Variants in SORCS3 observed in about 807,000 individuals in gnomAD.
SORCS3 encodes the protein sortilin related VPS10 domain containing receptor 3, also known as VPS10 domain-containing receptor SorCS3.
Under a neutral mutation model 146.3 loss-of-function variants are expected in SORCS3, and 57 were observed. The observed-to-expected ratio is 0.39, with a 90% CI of 0.31 to 0.49. The LOEUF (loss-of-function observed/expected upper bound fraction) is 0.49, where lower values mean the gene tolerates loss of function less well. SORCS3 is among the 20% of genes least tolerant of loss of function. The pLI is 0.92. For synonymous variants in SORCS3, 653 were observed against 618.5 expected, an observed-to-expected ratio of 1.06 and a Z score of -0.83; for missense variants, 1,341 against 1,575.5, an observed-to-expected ratio of 0.85 and a Z score of 2.52.
chr10:104,948,800 C>A (rs1401590280), intron 3 of SORCS3, among the ~76,000 whole-genome samples: 2 of 152,072 alleles, frequency 1.3e-5, no homozygotes, highest in Non-Finnish European at 2.9e-5. Flanking sequence ...TTTTTTATTC[C>A]AGCATTGATT....
chr10:105,062,391 C>T (rs1380476283), intron 5 of SORCS3, among the ~76,000 whole-genome samples: 4 of 152,160 alleles, frequency 2.6e-5, no homozygotes, highest in African/African-American at 7.2e-5. Flanking sequence ...CAATCTGTCT[C>T]CTAGGGTTGT....
At chr10:105,004,311 A>T (rs938486613) in intron 4 of SORCS3, among the ~76,000 whole-genome samples, 5 of 151,704 alleles carry the variant, frequency 3.3e-5, no homozygotes, top group Non-Finnish European at 7.4e-5. Context: ...GAGTGAAGGG[A>T]CTCTCTACGG....
At chr10:105,216,169 A>G (rs2056663919) in intron 18 of SORCS3, among the ~76,000 whole-genome samples, 1 of 152,160 alleles carries the variant, frequency 6.6e-6, no homozygotes, top group South Asian at 2.1e-4. Context: ...GCTTCAGGGA[A>G]GAGGAGGCTT....
intron 5 of SORCS3, among the ~76,000 whole-genome samples, chr10:105,087,575 C>A (rs1411084722): frequency 6.6e-6 from 1 of 151,850 alleles, no homozygotes; most frequent in South Asian, 2.1e-4. Flanking sequence ...CAGTCCTCTG[C>A]GTGTCTGGCC....
intron 1 of SORCS3, among the ~76,000 whole-genome samples, chr10:104,712,447 A>C (rs2016429487): frequency 6.6e-6 from 1 of 152,236 alleles, no homozygotes; most frequent in African/African-American, 2.4e-5. Flanking sequence ...TGCTGAATGA[A>C]AACATTTGCA....
intron 2 of SORCS3, among the ~76,000 whole-genome samples, chr10:104,873,281 C>T (rs1157676250): frequency 1.3e-5 from 2 of 152,212 alleles, no homozygotes; most frequent in African/African-American, 4.8e-5. Flanking sequence ...CCTTGGTTTT[C>T]ATTCTTCCTT....
chr10:104,664,092 G>A (rs2015736759), intron 1 of SORCS3, among the ~76,000 whole-genome samples: 1 of 152,174 alleles, frequency 6.6e-6, no homozygotes, highest in Non-Finnish European at 1.5e-5. Context: ...TGGGGGAGGC[G>A]AGGGTGAGGG....
At chr10:104,667,874 T>C (rs1351204332) in intron 1 of SORCS3, among the ~76,000 whole-genome samples, 1 of 152,214 alleles carries the variant, frequency 6.6e-6, no homozygotes, top group Non-Finnish European at 1.5e-5. Flanking sequence ...TGCTTTGCCA[T>C]GGACCTCCTC....
At chr10:105,169,781 G>C (rs1589669025) in intron 13 of SORCS3, among the ~76,000 whole-genome samples, 1 of 152,098 alleles carries the variant, frequency 6.6e-6, no homozygotes, top group Non-Finnish European at 1.5e-5. Context: ...AGAGAAGACA[G>C]CTTGAGTCTT....
At chr10:104,851,808 T>C (rs961529929) in intron 2 of SORCS3, among the ~76,000 whole-genome samples, 1 of 152,244 alleles carries the variant, frequency 6.6e-6, no homozygotes, top group African/African-American at 2.4e-5. Context: ...TACTTTCTCA[T>C]CGTTTGGTGG....
At chr10:104,940,974 C>T (rs2019315031) in intron 3 of SORCS3, among the ~76,000 whole-genome samples, 1 of 152,188 alleles carries the variant, frequency 6.6e-6, no homozygotes, top group African/African-American at 2.4e-5. Flanking sequence ...ATCATGCTAC[C>T]TGACTTCAAA....
intron 25 of SORCS3, among the ~76,000 whole-genome samples, chr10:105,260,715 A>G (rs935677347): frequency 6.6e-6 from 1 of 152,206 alleles, no homozygotes. Context: ...AGATAGGGGA[A>G]TGTAGAAGCT....
chr10:104,671,162 G>C (rs564660740), intron 1 of SORCS3, among the ~76,000 whole-genome samples: 19 of 150,642 alleles, frequency 1.3e-4, no homozygotes, highest in South Asian at 2.1e-4. Context: ...GCTCTGGTTA[G>C]AACTTTCAGT....
chr10:105,137,372 G>T (rs1386531550), intron 7 of SORCS3, among the ~76,000 whole-genome samples: 1 of 152,090 alleles, frequency 6.6e-6, no homozygotes, highest in Non-Finnish European at 1.5e-5. Context: ...GGACTCCTTT[G>T]GGGGTGATGA....
rs902040746 is a variant in SORCS3, at chr10:104,843,005, T to C, written c.695+146T>C. ...ATGTTAATGCTCTGGGTGGAACTGATGGCCCCCACCTGTGAATTCCTTTCC... is the reference window on the plus strand; with the variant it reads ...ATGTTAATGCTCTGGGTGGAACTGACGGCCCCCACCTGTGAATTCCTTTCC... On this transcript the variant is annotated intron_variant, in intron 2 of 26. Coordinates refer to ENST00000369701, the MANE Select transcript of SORCS3 (RefSeq NM_014978.3). 7.5e-6 allele frequency: 5 copies of C among 670,818 alleles called. No individual in the cohort carries two copies. The Admixed American group carries it at 1.2e-4, about 16-fold the overall frequency. 41.6% of individuals were successfully genotyped at this position (670,818 alleles called of 1,614,324 possible).
intron 16 of SORCS3, 33 bp from the exon 17 acceptor site, chr10:105,211,104 T>G (rs377761094): frequency 2.4e-4 from 354 of 1,485,780 alleles, no homozygotes; most frequent in Non-Finnish European, 3.1e-4. Flanking sequence ...TTTGTACATA[T>G]ATACTACTAT....
At chr10:105,106,992 C>T (rs1432225258) in intron 7 of SORCS3, among the ~76,000 whole-genome samples, 1 of 152,048 alleles carries the variant, frequency 6.6e-6, no homozygotes, top group Non-Finnish European at 1.5e-5. Context: ...GTTTTAAGGA[C>T]TATTTCCAAG....
chr10:105,250,240 C>T (rs996449595), intron 22 of SORCS3, among the ~76,000 whole-genome samples: 3 of 152,046 alleles, frequency 2.0e-5, no homozygotes, highest in African/African-American at 4.8e-5. Context: ...ACCCTGATAC[C>T]ATCACATTGG....
intron 14 of SORCS3, among the ~76,000 whole-genome samples, chr10:105,191,785 T>C (rs2056518449): frequency 6.6e-6 from 1 of 152,136 alleles, no homozygotes. Context: ...GGGTTCATGC[T>C]CCTGTGAGAA....
Sources: allele counts gnomAD v4.1 joint callset (sites outside exome capture counted in the v4.1 genomes callset), GRCh38; gene constraint gnomAD v4.1.1; transcripts MANE v1.5; gene names NCBI Gene and HGNC (gene_info 2026-07-23, HGNC 2026-07-21).